The following PPP6R3 variants were observed in gnomAD, a reference collection of about 807,000 sequenced individuals.
PPP6R3 encodes serine/threonine-protein phosphatase 6 regulatory subunit 3.
A neutral mutation model predicts 110.7 loss-of-function variants in PPP6R3; 38 were observed. The observed-to-expected ratio is 0.34, with a 90% confidence interval of 0.26 to 0.45. The LOEUF is 0.45. Among genes scored for constraint, PPP6R3 ranks in the 20% least tolerant of loss-of-function variants. PPP6R3 has a pLI of 1.00. For synonymous variants in PPP6R3, 369 were observed against 373.5 expected (o/e 0.99, Z 0.14); for missense variants, 870 against 1,062.4 (o/e 0.82, Z 2.52).
At chr11:68,472,617 G>GT (rs540018058) in intron 1 of PPP6R3, among the ~76,000 whole-genome samples, 1,688 of 143,324 alleles carry the variant, frequency 0.012, 18 homozygotes, top group Admixed American at 0.029. Flanking sequence ...ATATCTCGGG[G>GT]TTTTTTTTTT....
intron 5 of PPP6R3, among the ~76,000 whole-genome samples, chr11:68,549,205 C>T (rs1323931039): frequency 6.6e-6 from 1 of 152,200 alleles, no homozygotes; most frequent in Non-Finnish European, 1.5e-5. Context: ...TCCCTTTCTT[C>T]CCTTTCTCAG....
In PPP6R3 at chr11:68,613,331, C is replaced by G; in HGVS notation, c.*214C>G. The G allele has an allele frequency of 7.5e-7, 1 of 1,326,930 alleles. No individual in the cohort carries two copies. Among genetic ancestry groups the G allele is most frequent in the Non-Finnish European group, 9.6e-7 (1 of 1,040,372 alleles). The allele number at this position is 1,326,930 out of a possible 1,614,324, so 82.2% of individuals were successfully genotyped here. On this transcript the variant is annotated 3_prime_UTR_variant, in exon 24 of 24. Transcript: ENST00000393800. Reference sequence around the variant, plus strand: ...CATTGACAAATACCAAGAATTTTTGCGTATGTTTATATTGTATTGTTCTAA... The same window carrying G: ...CATTGACAAATACCAAGAATTTTTGGGTATGTTTATATTGTATTGTTCTAA...
chr11:68,485,625 A>G (rs1444106358), intron 1 of PPP6R3, among the ~76,000 whole-genome samples: 7 of 152,208 alleles, frequency 4.6e-5, no homozygotes, highest in Admixed American at 6.5e-5. Context: ...CCTTTTCTGC[A>G]TCTGTTGATG....
At chr11:68,592,338 T>C (rs2099598019) in intron 18 of PPP6R3, among the ~76,000 whole-genome samples, 1 of 152,234 alleles carries the variant, frequency 6.6e-6, no homozygotes, top group Non-Finnish European at 1.5e-5. Context: ...ATTTCATTTA[T>C]TGTTACTCAT....
At chr11:68,593,083 A>AT (rs1264485174) in intron 18 of PPP6R3, among the ~76,000 whole-genome samples, 2 of 152,174 alleles carry the variant, frequency 1.3e-5, no homozygotes, top group African/African-American at 4.8e-5. Context: ...CAGTGTGGAA[A>AT]TTTCAACATG....
chr11:68,557,954 T>C (rs1479475310), intron 7 of PPP6R3, among the ~76,000 whole-genome samples: 1 of 152,244 alleles, frequency 6.6e-6, no homozygotes, highest in African/African-American at 2.4e-5. Flanking sequence ...AGAAGTGTAA[T>C]GGAAAGAGCC....
chr11:68,474,421 TG>T (rs1171410419), intron 1 of PPP6R3, among the ~76,000 whole-genome samples: 1 of 152,220 alleles, frequency 6.6e-6, no homozygotes, highest in Non-Finnish European at 1.5e-5. Context: ...CTTTTGTCCT[TG>T]CTTTTTTTTC....
chr11:68,603,678 T>G lies in PPP6R3; in HGVS notation c.2450+186T>G, dbSNP rs2099638640. 5.8e-6 allele frequency: 4 copies of G among 687,174 alleles called. No individual in the cohort carries two copies. In the Admixed American group the frequency reaches 1.2e-4, roughly 21 times the overall value. The allele number at this position is 687,174 out of a possible 1,614,324, so 42.6% of individuals were successfully genotyped here. The stretch of plus-strand genomic sequence containing the variant: ...GAGATGGAGAGTTTAGGCCCCTAAG[T>G]GCCTTTTCCCCCATAAATGTGTTCA... On this transcript the variant is annotated intron_variant, in intron 22 of 23. Transcript: ENST00000393800.
At chr11:68,488,330 G>A (rs2098961571) in intron 1 of PPP6R3, among the ~76,000 whole-genome samples, 1 of 151,890 alleles carries the variant, frequency 6.6e-6, no homozygotes. Flanking sequence ...ACCACACCCA[G>A]CTAATTAAAA....
rs1002409374 is a variant in PPP6R3, at chr11:68,613,920, T to G, written c.*803T>G. 1 of 980,536 alleles carries G rather than the reference T, an allele frequency of 1.0e-6. No homozygotes were observed. Among genetic ancestry groups the G allele is most frequent in the African/African-American group, 1.8e-5 (1 of 56,510 alleles). The allele number at this position is 980,536 out of a possible 1,614,324, so 60.7% of individuals were successfully genotyped here. ...GGGATTTTTTTTTTTTTTTTTTGGCTTTTGTTTTTGTTTGTTTTTTTGTTT... is the reference window on the plus strand; with the variant it reads ...GGGATTTTTTTTTTTTTTTTTTGGCGTTTGTTTTTGTTTGTTTTTTTGTTT... On this transcript the variant is annotated 3_prime_UTR_variant, in exon 24 of 24. Coordinates refer to ENST00000393800, the MANE Select transcript of PPP6R3 (RefSeq NM_001164161.2).
Position 68,615,005 on chromosome 11 carries a change from G to T in PPP6R3, c.*1888G>T. The T allele has an allele frequency of 1.9e-6, 1 of 537,464 alleles. No individual in the cohort carries two copies. Among genetic ancestry groups the T allele is most frequent in the South Asian group, 1.5e-5 (1 of 65,268 alleles). The allele number at this position is 537,464 out of a possible 1,614,324, so 33.3% of individuals were successfully genotyped here. The stretch of plus-strand genomic sequence containing the variant: ...TCTCCATCCCACTGTGGCCTCTGTG[G>T]TATGGACCTGGTGGCTTCTCCATCC... On this transcript the variant is annotated 3_prime_UTR_variant, in exon 24 of 24. Coordinates refer to ENST00000393800, the MANE Select transcript of PPP6R3 (RefSeq NM_001164161.2).
chr11:68,597,344 GTT>G (rs1199979103), intron 19 of PPP6R3, among the ~76,000 whole-genome samples: 2 of 152,312 alleles, frequency 1.3e-5, no homozygotes, highest in Admixed American at 1.3e-4. Context: ...AGAACGTGCT[GTT>G]TTGCATGGCT....
chr11:68,564,501 C>T lies in PPP6R3; in HGVS notation c.975+69C>T, dbSNP rs901627354. ...GTTGAAACAGTCATTCGAATGTGTACGGGCCTTAGGAGTGGCAGAACTGGC... is the reference window on the plus strand; with the variant it reads ...GTTGAAACAGTCATTCGAATGTGTATGGGCCTTAGGAGTGGCAGAACTGGC... On this transcript the variant is annotated intron_variant, in intron 9 of 23. Transcript: ENST00000393800. The T allele has an allele frequency of 6.0e-5, 93 of 1,546,680 alleles. No individual in the cohort carries two copies. The African/African-American group carries it at 7.6e-4, about 13-fold the overall frequency.
intron 23 of PPP6R3, among the ~76,000 whole-genome samples, chr11:68,610,276 C>G (rs1164087523): frequency 3.3e-5 from 5 of 152,286 alleles, no homozygotes; most frequent in South Asian, 2.1e-4. Flanking sequence ...ATCACTCGCT[C>G]TTTTAGAAGT....
rs766341347 is a variant in PPP6R3 at position 68,600,463 on chromosome 11, G to A, written c.2161G>A (p.Ala721Thr). ...EPMPTKETGW[A>T]SFSEFTSSLS... The stretch of plus-strand genomic sequence containing the variant: ...GATGCCAACTAAAGAGACGGGCTGG[G>A]CTTCTTTTTCAGAGTTCACGTCTTC... Residue 721 changes from alanine to threonine, a missense_variant, in exon 20 of 24, where the codon GCT (alanine) becomes ACT (threonine). Physicochemically the swap from Ala to Thr is moderately conservative, Grantham distance 58. Coordinates refer to ENST00000393800, the MANE Select transcript of PPP6R3 (RefSeq NM_001164161.2). The A allele has an allele frequency of 3.7e-6, 6 of 1,614,018 alleles. No homozygotes were observed. The highest frequency in any genetic ancestry group is 5.1e-6 in the Non-Finnish European group (6 of 1,179,982).
chr11:68,613,972 C>T lies in PPP6R3; in HGVS notation c.*855C>T, dbSNP rs905037940. 1 of 982,092 alleles carries T rather than the reference C, an allele frequency of 1.0e-6. No individual in the cohort carries two copies. The highest frequency in any genetic ancestry group is 1.2e-6 in the Non-Finnish European group (1 of 829,278). The allele number at this position is 982,092 out of a possible 1,614,324, so 60.8% of individuals were successfully genotyped here. ...ATTTGGTAGTTCATCTGCCTTTTAA[C>T]CCATTCACCAAAATTTACCTTGTTA... On this transcript the variant is annotated 3_prime_UTR_variant, in exon 24 of 24. Transcript: ENST00000393800.
intron 2 of PPP6R3, among the ~76,000 whole-genome samples, chr11:68,520,642 T>C (rs898946933): frequency 1.3e-5 from 2 of 152,174 alleles, no homozygotes; most frequent in Non-Finnish European, 2.9e-5. Flanking sequence ...GCCCCCGATA[T>C]TCAGATTCTC....
chr11:68,511,962 C>T (rs1028091302), intron 1 of PPP6R3, among the ~76,000 whole-genome samples: 2 of 152,130 alleles, frequency 1.3e-5, no homozygotes, highest in African/African-American at 4.8e-5. Context: ...CCTCTTTCTC[C>T]CCATTGGATC....
At chr11:68,517,825 C>T (rs577308373) in intron 1 of PPP6R3, among the ~76,000 whole-genome samples, 2 of 152,148 alleles carry the variant, frequency 1.3e-5, no homozygotes, top group African/African-American at 4.8e-5. Context: ...CTAATCCCAG[C>T]TACTCAGGAG....
Sources: gnomAD v4.1 joint callset for allele counts (sites outside exome capture counted in the v4.1 genomes callset) on GRCh38, gnomAD v4.1.1 for gene constraint, MANE v1.5 for transcripts, NCBI Gene and HGNC (gene_info 2026-07-23, HGNC 2026-07-21) for gene names.